Variants in SPECC1 observed in about 807,000 individuals in gnomAD.
The protein encoded by SPECC1 is cytospin-B.
In SPECC1, 62 loss-of-function variants were observed where a neutral mutation model predicts 104.1. The observed-to-expected ratio is 0.60, with a 90% CI of 0.49 to 0.74. SPECC1 has a LOEUF of 0.74. SPECC1 is among the 30% of genes least tolerant of loss of function. SPECC1 has a pLI of 0.00. For synonymous variants in SPECC1, 513 were observed against 501.6 expected (o/e 1.02, Z -0.30); for missense variants, 1,306 against 1,310.5 (o/e 1.00, Z 0.05).
At chr17:20,034,961 G>C (rs1455003094) in intron 1 of SPECC1, among the ~76,000 whole-genome samples, 1 of 152,130 alleles carries the variant, frequency 6.6e-6, no homozygotes, top group Non-Finnish European at 1.5e-5. Flanking sequence ...GTCATTTTGA[G>C]TTAATTTTTC....
intron 1 of SPECC1, among the ~76,000 whole-genome samples, chr17:20,039,707 A>C (rs962973034): frequency 6.6e-6 from 1 of 151,954 alleles, no homozygotes; most frequent in African/African-American, 2.4e-5. Flanking sequence ...GGCGTGTGCC[A>C]CCATGCCTGG....
chr17:20,315,369 A>G lies in SPECC1; in HGVS notation c.*1304A>G. On this transcript the variant is annotated 3_prime_UTR_variant, in exon 15 of 15. Transcript: ENST00000395527. ...GCAGAGCCCTCCCCAGCGGTGCCCC[A>G]GTCCCTCAGAAGTGCTCAGTCCGGC... 4.3e-6 allele frequency: 1 copy of G among 232,960 alleles called. No individual in the cohort carries two copies. Among genetic ancestry groups the G allele is most frequent in the Non-Finnish European group, 8.5e-6 (1 of 117,888 alleles). The allele number at this position is 232,960 out of a possible 1,614,324, so 14.4% of individuals were successfully genotyped here.
intron 2 of SPECC1, among the ~76,000 whole-genome samples, chr17:20,105,202 G>A (rs1016169407): frequency 3.3e-5 from 5 of 151,918 alleles, no homozygotes; most frequent in Admixed American, 6.5e-5. Flanking sequence ...CGATCCTCCC[G>A]CCTCAGCCTC....
chr17:20,212,515 C>G (rs527922617), intron 4 of SPECC1, among the ~76,000 whole-genome samples: 29 of 152,148 alleles, frequency 1.9e-4, no homozygotes, highest in Non-Finnish European at 3.4e-4. Context: ...GAAACTCCCC[C>G]TTATATAATC....
intron 1 of SPECC1, among the ~76,000 whole-genome samples, chr17:20,073,123 G>A (rs533488866): frequency 2.6e-5 from 4 of 152,102 alleles, no homozygotes; most frequent in African/African-American, 4.8e-5. Flanking sequence ...AGGAGTTTCC[G>A]ATGCCTACCT....
chr17:20,232,290 C>G lies in SPECC1; in HGVS notation c.2236C>G (p.Leu746Val), dbSNP rs1250978869. 1.9e-6 allele frequency: 3 copies of G among 1,614,180 alleles called. No individual in the cohort carries two copies. Among genetic ancestry groups the G allele is most frequent in the Non-Finnish European group, 2.5e-6 (3 of 1,180,032 alleles). Reference protein sequence around the residue: ...NDIKCEAQQELRTVKRKLLEE... With the variant: ...NDIKCEAQQEVRTVKRKLLEE... ...CATCAAGTGTGAGGCCCAGCAGGAG[C>G]TGCGCACCGTGAAGAGGAAACTGCT... Residue 746 changes from leucine (L) to valine (V), a missense_variant, in exon 7 of 15, where the codon CTG becomes GTG. Physicochemically the swap from Leu to Val is conservative, Grantham distance 32. This residue lies in a region of SPECC1 where 1,177 missense variants were observed against 1,139.9 expected (regional missense o/e 1.03). Transcript: ENST00000395527.
intron 1 of SPECC1, among the ~76,000 whole-genome samples, chr17:20,081,742 A>T (rs1316135007): frequency 1.3e-5 from 2 of 152,002 alleles, no homozygotes; most frequent in Non-Finnish European, 2.9e-5. Context: ...GGATCCCGTG[A>T]TGTGTTTGTT....
At chr17:20,291,541 C>G (rs1192447335) in intron 12 of SPECC1, among the ~76,000 whole-genome samples, 1 of 152,184 alleles carries the variant, frequency 6.6e-6, no homozygotes, top group Admixed American at 6.5e-5. Context: ...CACTGCCCTT[C>G]CCAGCCCACC....
chr17:20,183,581 A>G (rs1484586422), intron 3 of SPECC1, among the ~76,000 whole-genome samples: 1 of 152,190 alleles, frequency 6.6e-6, no homozygotes, highest in African/African-American at 2.4e-5. Flanking sequence ...CAAGTCCCTG[A>G]TATAAAATGC....
At position 20,204,640 on chromosome 17, in the gene SPECC1, A is replaced by G. The variant is rs1319921391; in HGVS notation, c.591A>G (p.Lys197=). The change falls in exon 4 of 15, where the codon AAA becomes AAG. Residue 197 remains lysine, a synonymous_variant. Coordinates refer to ENST00000395527, the MANE Select transcript of SPECC1 (RefSeq NM_001243439.2). The stretch of plus-strand genomic sequence containing the variant: ...GTGAACTAAAGAAATACAAAGAGAA[A>G]AGGACTCTGAACGCTGAGGGGACTG... The part of the protein sequence containing the change: ...LRSELKKYKE[K]RTLNAEGTDA... 3.1e-6 allele frequency: 5 copies of G among 1,613,976 alleles called. No homozygotes were observed. The Admixed American group carries it at 5.0e-5, about 16-fold the overall frequency.
At chr17:20,306,835 A>G (rs2041781885) in intron 14 of SPECC1, among the ~76,000 whole-genome samples, 2 of 152,260 alleles carry the variant, frequency 1.3e-5, no homozygotes, top group South Asian at 4.1e-4. Flanking sequence ...CTAAAAAGTA[A>G]CAGAACACTT....
Position 20,286,655 on chromosome 17 carries a change from T to C in SPECC1, c.2941-10306T>C, listed in dbSNP as rs116277366. ...CGGCCACCCATGTCCCACAAACTGCTGTTTTTCTGCCTGGTGCCCAGTATA... is the reference window on the plus strand; with the variant it reads ...CGGCCACCCATGTCCCACAAACTGCCGTTTTTCTGCCTGGTGCCCAGTATA... On this transcript the variant is annotated intron_variant, in intron 12 of 14. Coordinates refer to ENST00000395527, the MANE Select transcript of SPECC1 (RefSeq NM_001243439.2). Among the ~76,000 whole-genome samples the C allele has an allele frequency of 3.8e-3, 579 of 152,276 alleles. 4 individuals are homozygous for C. The highest frequency in any genetic ancestry group is 0.013 in the African/African-American group (560 of 41,540).
At chr17:20,268,333 T>C (rs1347944552) in intron 12 of SPECC1, among the ~76,000 whole-genome samples, 1 of 152,254 alleles carries the variant, frequency 6.6e-6, no homozygotes, top group East Asian at 1.9e-4. Flanking sequence ...CCACACTGAA[T>C]TTTGCTTTGA....
At chr17:20,029,191 CAG>C (rs1250761870) in intron 1 of SPECC1, among the ~76,000 whole-genome samples, 1 of 152,104 alleles carries the variant, frequency 6.6e-6, no homozygotes, top group African/African-American at 2.4e-5. Context: ...TTTCTTTTAA[CAG>C]TGTTTTGTAG....
intron 1 of SPECC1, among the ~76,000 whole-genome samples, chr17:20,093,920 A>G (rs545437502): frequency 2.6e-5 from 4 of 151,894 alleles, no homozygotes; most frequent in African/African-American, 9.7e-5. Context: ...TTAGTGAGAC[A>G]GGGTCTCACC....
At chr17:20,093,868 C>T (rs1221644256) in intron 1 of SPECC1, among the ~76,000 whole-genome samples, 1 of 151,698 alleles carries the variant, frequency 6.6e-6, no homozygotes, top group Non-Finnish European at 1.5e-5. Context: ...GTAGCTGGGG[C>T]TACAGGTGTG....
chr17:20,075,927 A>G (rs1054385485), intron 1 of SPECC1, among the ~76,000 whole-genome samples: 16 of 152,190 alleles, frequency 1.1e-4, no homozygotes, highest in African/African-American at 3.9e-4. Context: ...ACCTTGGGCA[A>G]CATAGCAAGA....
chr17:20,049,339 A>G (rs1004577831), intron 1 of SPECC1, among the ~76,000 whole-genome samples: 1 of 152,142 alleles, frequency 6.6e-6, no homozygotes, highest in African/African-American at 2.4e-5. Context: ...GGTGGGGCAC[A>G]CCTGTAGTCC....
chr17:20,271,564 G>A (rs1055941188), intron 12 of SPECC1, among the ~76,000 whole-genome samples: 7 of 152,018 alleles, frequency 4.6e-5, no homozygotes, highest in South Asian at 2.1e-4. Context: ...TCATTCAACC[G>A]CAACTCTTCA....
Sources: allele counts gnomAD v4.1 joint callset (sites outside exome capture counted in the v4.1 genomes callset), GRCh38; gene constraint gnomAD v4.1.1; regional missense constraint gnomAD v4.1.1; transcripts MANE v1.5; gene names NCBI Gene and HGNC (gene_info 2026-07-23, HGNC 2026-07-21).